The following AKR1B15 variants were observed in gnomAD, a reference collection of about 807,000 sequenced individuals.
AKR1B15 encodes aldo-keto reductase family 1 member B15, also known as estradiol 17-beta-dehydrogenase AKR1B15.
Under a neutral mutation model 38.5 loss-of-function variants are expected in AKR1B15, and 49 were observed. That is an observed-to-expected ratio of 1.27 (90% confidence interval 1.01 to 1.62). AKR1B15 has a LOEUF of 1.62. AKR1B15 is among the 40% of genes most tolerant of loss of function. AKR1B15 has a pLI of 0.00. For synonymous variants in AKR1B15, 137 were observed against 135.5 expected (o/e 1.01, Z -0.08); for missense variants, 411 against 381.6 (o/e 1.08, Z -0.64).
chr7:134,553,047 A>G (rs1483187213), intron 1 of AKR1B15, among the ~76,000 whole-genome samples: 1 of 130,834 alleles, frequency 7.6e-6, no homozygotes, highest in Non-Finnish European at 1.8e-5. Context: ...CCCAGCCAAG[A>G]AGGCCCAGCT....
chr7:134,561,491 G>C (rs1794390423), intron 2 of AKR1B15, among the ~76,000 whole-genome samples: 1 of 152,220 alleles, frequency 6.6e-6, no homozygotes, highest in Non-Finnish European at 1.5e-5. Context: ...ACAGGTGTGA[G>C]ACACCATGCC....
rs753414226 is a variant in AKR1B15 at position 134,575,815 on chromosome 7, T to C, written c.637-6T>C. 1.8e-5 allele frequency: 29 copies of C among 1,613,710 alleles called. No individual in the cohort carries two copies. The East Asian group carries it at 5.8e-4, about 32-fold the overall frequency. ...TCCCCGTGATGAGGATTGTTTGCTG[T>C]TGCAGGTTGAGTGTCACCCATACCT... On this transcript the variant is annotated splice_region_variant and splice_polypyrimidine_tract_variant and intron_variant, in intron 7 of 11. Coordinates refer to ENST00000457545, the MANE Select transcript of AKR1B15 (RefSeq NM_001080538.3).
At position 134,579,477 on chromosome 7, in the gene AKR1B15, G is replaced by GT. The variant is rs777062632; in HGVS notation, c.993-27dup. The GT allele has an allele frequency of 1.7e-3, 2,550 of 1,517,436 alleles. 3 individuals carry two copies. The highest frequency in any genetic ancestry group is 2.0e-3 in the Non-Finnish European group (2,274 of 1,127,526). The allele number at this position is 1,517,436 out of a possible 1,614,324, so 94.0% of individuals were successfully genotyped here. A position where few individuals can be genotyped will look rare whatever the true frequency, so the allele number is the denominator to read the frequency against. ...AGAGTTGTTGCTTTGATGGAACACA[G>GT]TTTCTTTTTTTTTTTCTCTCTCTCT... On this transcript the variant is annotated intron_variant, in intron 11 of 11. Transcript: ENST00000457545.
chr7:134,562,865 T>TC (rs1165267452), intron 2 of AKR1B15, among the ~76,000 whole-genome samples: 1 of 146,684 alleles, frequency 6.8e-6, no homozygotes, highest in Non-Finnish European at 1.5e-5. Flanking sequence ...TTTCTTTCTT[T>TC]CTTTCTTTCT....
chr7:134,559,714 G>A (rs968998137), intron 2 of AKR1B15, among the ~76,000 whole-genome samples: 10 of 152,170 alleles, frequency 6.6e-5, no homozygotes, highest in Admixed American at 4.6e-4. Context: ...TTTAAAAAAT[G>A]AGTTTCTTAA....
In AKR1B15 at chr7:134,579,718, A is replaced by G; in HGVS notation, c.*169A>G. 1.8e-6 allele frequency: 1 copy of G among 553,642 alleles called. No individual in the cohort carries two copies. The allele number at this position is 553,642 out of a possible 1,614,324, so 34.3% of individuals were successfully genotyped here. Reference sequence around the variant, plus strand: ...TTTAGACATGTATTTCTGTATGTTCAACTAGGATAAGAATATCACAGAAAA... The same window carrying G: ...TTTAGACATGTATTTCTGTATGTTCGACTAGGATAAGAATATCACAGAAAA... On this transcript the variant is annotated 3_prime_UTR_variant, in exon 12 of 12. Coordinates refer to ENST00000457545, the MANE Select transcript of AKR1B15 (RefSeq NM_001080538.3).
intron 1 of AKR1B15, among the ~76,000 whole-genome samples, chr7:134,555,321 C>T (rs1794155109): frequency 6.6e-6 from 1 of 152,030 alleles, no homozygotes; most frequent in African/African-American, 2.4e-5. Context: ...GGACTGACTC[C>T]TGCCTGGAAA....
intron 2 of AKR1B15, 66 bp downstream of exon 2, chr7:134,556,925 A>G (rs1311844268): frequency 6.6e-6 from 1 of 152,200 alleles, no homozygotes; most frequent in Non-Finnish European, 1.5e-5. Flanking sequence ...TAGAGTCTCT[A>G]GCTGAAGTAG....
chr7:134,553,270 C>T (rs890830698), intron 1 of AKR1B15, among the ~76,000 whole-genome samples: 1 of 152,184 alleles, frequency 6.6e-6, no homozygotes. Flanking sequence ...GGAGGGAATA[C>T]CCCGCTGGTT....
At chr7:134,559,212 A>G (rs965672487) in intron 2 of AKR1B15, among the ~76,000 whole-genome samples, 1 of 152,140 alleles carries the variant, frequency 6.6e-6, no homozygotes, top group Non-Finnish European at 1.5e-5. Context: ...GTCATCCCGT[A>G]TGGAGATGAG....
At position 134,567,505 on chromosome 7, in the gene AKR1B15, C is replaced by A. The variant is rs148021798; in HGVS notation, c.151-653C>A. 2.5e-3 allele frequency among the ~76,000 whole-genome samples: 386 copies of A among 152,216 alleles called. 1 individual carries two copies. Among genetic ancestry groups the A allele is most frequent in the South Asian group, 3.7e-3 (18 of 4,826 alleles). On this transcript the variant is annotated intron_variant, in intron 3 of 11. Coordinates refer to ENST00000457545, the MANE Select transcript of AKR1B15 (RefSeq NM_001080538.3). ...CAGGTAATGTGGTTAACTTAACATT[C>A]ATTACAGCATGTCATCACCACAAAG...
At chr7:134,574,895 C>G (rs1794730682) in intron 6 of AKR1B15, among the ~76,000 whole-genome samples, 1 of 152,204 alleles carries the variant, frequency 6.6e-6, no homozygotes. Flanking sequence ...TTCTTGCAAA[C>G]CAAGCCATGG....
At chr7:134,554,127 A>G (rs1794103946) in intron 1 of AKR1B15, among the ~76,000 whole-genome samples, 1 of 151,914 alleles carries the variant, frequency 6.6e-6, no homozygotes. Context: ...CAAAGAAGAA[A>G]TTTTAGCCCT....
In AKR1B15 at chr7:134,560,827, A is replaced by G. The variant is rs549042963; in HGVS notation, c.-22-3771A>G. Among the ~76,000 whole-genome samples, 20 of 152,326 alleles carry G rather than the reference A, an allele frequency of 1.3e-4. No homozygotes were observed. The East Asian group carries it at 1.4e-3, about 10-fold the overall frequency. Reference sequence around the variant, plus strand: ...CAAAGGCCATTCCAACTGAACAGAAAACATACTCTGCAAGGACCTCTGAAC... The same window carrying G: ...CAAAGGCCATTCCAACTGAACAGAAGACATACTCTGCAAGGACCTCTGAAC... On this transcript the variant is annotated intron_variant, in intron 2 of 11. Coordinates refer to ENST00000457545, the MANE Select transcript of AKR1B15 (RefSeq NM_001080538.3).
At chr7:134,568,508 G>A (rs973831706) in intron 4 of AKR1B15, among the ~76,000 whole-genome samples, 183 bp downstream of exon 4, 3 of 152,142 alleles carry the variant, frequency 2.0e-5, no homozygotes, top group African/African-American at 2.4e-5. Flanking sequence ...TGAACATGTC[G>A]TGGCTGCCCC....
intron 1 of AKR1B15, among the ~76,000 whole-genome samples, chr7:134,552,959 G>C (rs541931494): frequency 6.6e-6 from 1 of 152,208 alleles, no homozygotes; most frequent in South Asian, 2.1e-4. Flanking sequence ...ACCTGTTATT[G>C]GCTACTGAAA....
At chr7:134,572,557 G>A (rs1794688558) in intron 6 of AKR1B15, among the ~76,000 whole-genome samples, 1 of 151,950 alleles carries the variant, frequency 6.6e-6, no homozygotes, top group Non-Finnish European at 1.5e-5. Flanking sequence ...GAACTTGGGA[G>A]GTGGAGGTTG....
At chr7:134,562,233 G>C (rs1472182629) in intron 2 of AKR1B15, among the ~76,000 whole-genome samples, 2 of 152,192 alleles carry the variant, frequency 1.3e-5, no homozygotes, top group Non-Finnish European at 2.9e-5. Flanking sequence ...AGTTCTTAAA[G>C]ATGGCACAGA....
chr7:134,566,024 T>C (rs912405724), intron 3 of AKR1B15, among the ~76,000 whole-genome samples: 2 of 152,180 alleles, frequency 1.3e-5, no homozygotes, highest in African/African-American at 2.4e-5. Context: ...CTGGGTGTGG[T>C]GGCTCATGCC....
Sources: allele counts gnomAD v4.1 joint callset (sites outside exome capture counted in the v4.1 genomes callset), GRCh38; gene constraint gnomAD v4.1.1; transcripts MANE v1.5; gene names NCBI Gene and HGNC (gene_info 2026-07-23, HGNC 2026-07-21).